Variants in ST3GAL3 observed in about 807,000 individuals in gnomAD.
ST3GAL3 encodes the protein ST3 beta-galactoside alpha-2,3-sialyltransferase 3.
A neutral mutation model predicts 50.1 loss-of-function variants in ST3GAL3; 21 were observed. The ratio of observed to expected loss-of-function variants is 0.42; its 90% CI spans 0.30 to 0.60. The LOEUF (loss-of-function observed/expected upper bound fraction) is 0.60, where lower values mean the gene tolerates loss of function less well. ST3GAL3 is among the 20% of genes least tolerant of loss of function. ST3GAL3 has a pLI of 0.19. For synonymous variants in ST3GAL3, 183 were observed against 190.0 expected, an observed-to-expected ratio of 0.96 and a Z score of 0.30; for missense variants, 353 against 489.4, an observed-to-expected ratio of 0.72 and a Z score of 2.63.
intron 4 of ST3GAL3, among the ~76,000 whole-genome samples, chr1:43,821,098 G>T (rs185621920): frequency 1.4e-3 from 210 of 152,202 alleles, no homozygotes; most frequent in Non-Finnish European, 2.6e-3. Flanking sequence ...GGAATAAACG[G>T]AAAATTCTAA....
intron 3 of ST3GAL3, among the ~76,000 whole-genome samples, chr1:43,809,543 A>T (rs190455519): frequency 2.6e-5 from 4 of 152,136 alleles, no homozygotes; most frequent in African/African-American, 4.8e-5. Context: ...CAAAAAGTTT[A>T]AAAATTAGCT....
At chr1:43,847,695 GCT>G (rs1341253536) in intron 5 of ST3GAL3, among the ~76,000 whole-genome samples, 1 of 152,198 alleles carries the variant, frequency 6.6e-6, no homozygotes, top group Non-Finnish European at 1.5e-5. Context: ...ATGAAAAACA[GCT>G]CTGGATATTG....
intron 2 of ST3GAL3, among the ~76,000 whole-genome samples, chr1:43,756,440 G>A (rs1688140614): frequency 6.6e-6 from 1 of 152,024 alleles, no homozygotes; most frequent in Non-Finnish European, 1.5e-5. Context: ...ACTTTAAATT[G>A]ATGCAGTTTA....
At chr1:43,752,855 C>G (rs1192146623) in intron 2 of ST3GAL3, among the ~76,000 whole-genome samples, 1 of 152,200 alleles carries the variant, frequency 6.6e-6, no homozygotes, top group Non-Finnish European at 1.5e-5. Context: ...TCTAATTTCA[C>G]TTTTCAGTAG....
At chr1:43,749,488 G>A (rs1685167213) in intron 2 of ST3GAL3, among the ~76,000 whole-genome samples, 1 of 152,154 alleles carries the variant, frequency 6.6e-6, no homozygotes, top group Non-Finnish European at 1.5e-5. Context: ...AGTTGACAGA[G>A]TACTTTTGGG....
rs543148858 is a variant in ST3GAL3, at chr1:43,895,486, A to G, written c.397+1009A>G. Among the ~76,000 whole-genome samples, 488 of 152,288 alleles carry G rather than the reference A, an allele frequency of 3.2e-3. 4 individuals carry two copies. The highest frequency in any genetic ancestry group is 8.2e-3 in the Admixed American group (126 of 15,298). ...CCATACTGCCTCTTTACTAGCTGTG[A>G]CCCTGGACAAGTTGCCTGTCTGTCC... On this transcript the variant is annotated intron_variant, in intron 6 of 11. Transcript: ENST00000347631.
chr1:43,757,785 T>C (rs11210914), intron 2 of ST3GAL3, among the ~76,000 whole-genome samples: 53,000 of 152,060 alleles, frequency 0.35, 10,023 homozygotes, highest in African/African-American at 0.5. Context: ...CATTGAACTT[T>C]ATCAAAAGTA....
intron 5 of ST3GAL3, among the ~76,000 whole-genome samples, chr1:43,852,946 T>G (rs1163027705): frequency 6.6e-6 from 1 of 152,222 alleles, no homozygotes; most frequent in Non-Finnish European, 1.5e-5. Context: ...TTAGATAAGT[T>G]TTTTTCAGGA....
rs77075204 is a variant in ST3GAL3 at position 43,821,694 on chromosome 1, G to A, written c.209+6761G>A. Reference sequence around the variant, plus strand: ...GAGAATTGACCCCGTCTTCCCCAGGGGTTGGGCACTCAGGCTGCTACGTGC... The same window carrying A: ...GAGAATTGACCCCGTCTTCCCCAGGAGTTGGGCACTCAGGCTGCTACGTGC... On this transcript the variant is annotated intron_variant, in intron 4 of 11. Transcript: ENST00000347631. Among the ~76,000 whole-genome samples the A allele has an allele frequency of 5.9e-3, 900 of 152,204 alleles. 6 individuals are homozygous for A. Among genetic ancestry groups the A allele is most frequent in the African/African-American group, 0.021 (873 of 41,518 alleles).
At chr1:43,749,343 T>C (rs1685119329) in intron 2 of ST3GAL3, among the ~76,000 whole-genome samples, 1 of 152,202 alleles carries the variant, frequency 6.6e-6, no homozygotes, top group African/African-American at 2.4e-5. Flanking sequence ...CTCTTCAAAT[T>C]GTTCCATCAA....
chr1:43,736,105 C>G, intron 1 of ST3GAL3, 128 bp from the exon 2 acceptor site: 1 of 865,032 alleles, frequency 1.2e-6, no homozygotes, highest in Non-Finnish European at 1.8e-6. Flanking sequence ...TTAGAAGATG[C>G]CATGATATGA....
chr1:43,910,073 G>A (rs2080528368), intron 9 of ST3GAL3, among the ~76,000 whole-genome samples: 1 of 152,184 alleles, frequency 6.6e-6, no homozygotes, highest in Non-Finnish European at 1.5e-5. Flanking sequence ...ATGGAACTTG[G>A]TACCGAGAGC....
In ST3GAL3 at chr1:43,899,410, A is replaced by C; in HGVS notation, c.558-131A>C. The C allele has an allele frequency of 1.3e-6, 2 of 1,576,658 alleles. No homozygotes were observed. On this transcript the variant is annotated intron_variant, in intron 8 of 11. Transcript: ENST00000347631. This position sits in a 1 kb window ranked among gnomAD's most constrained non-coding sequence, Gnocchi z 5.4. ...GGGTTGGAGGGCTTTGGAACAGACA[A>C]CTAGCGGGGGCACCTGGGGAGAATA...
chr1:43,886,839 C>T (rs531500165), intron 5 of ST3GAL3, among the ~76,000 whole-genome samples: 122 of 152,098 alleles, frequency 8.0e-4, no homozygotes, highest in African/African-American at 2.6e-3. Flanking sequence ...GACGCTTTGT[C>T]GAATTTGTTT....
Position 43,930,882 on chromosome 1 carries a change from C to G in ST3GAL3, c.*661C>G, listed in dbSNP as rs1399969348. 1 of 163,252 alleles carries G rather than the reference C, an allele frequency of 6.1e-6. No individual in the cohort carries two copies. Among genetic ancestry groups the G allele is most frequent in the Non-Finnish European group, 1.4e-5 (1 of 74,028 alleles). 10.1% of individuals were successfully genotyped at this position (163,252 alleles called of 1,614,324 possible). A position where few individuals can be genotyped will look rare whatever the true frequency, so the allele number is the denominator to read the frequency against. On this transcript the variant is annotated 3_prime_UTR_variant, in exon 12 of 12. Transcript: ENST00000347631. ...TCCCTTCGGAGCCAACAAGACCGCC[C>G]CAGGGCTATAGCAGAAAGAACTTTA...
intron 1 of ST3GAL3, among the ~76,000 whole-genome samples, chr1:43,723,442 C>G (rs920818006): frequency 6.6e-6 from 1 of 151,986 alleles, no homozygotes. Flanking sequence ...TATCTGCTCC[C>G]TTTCCGCTTC....
At chr1:43,926,921 C>T (rs2084073738) in intron 11 of ST3GAL3, among the ~76,000 whole-genome samples, 1 of 152,172 alleles carries the variant, frequency 6.6e-6, no homozygotes, top group Admixed American at 6.5e-5. Context: ...TTCCTGCCCC[C>T]CACCTTCCAC....
chr1:43,744,654 A>AT (rs746012027), intron 2 of ST3GAL3, among the ~76,000 whole-genome samples: 31,976 of 141,948 alleles, frequency 0.23, 4,336 homozygotes, highest in Non-Finnish European at 0.29. Context: ...CTCCCTCTCA[A>AT]AAAATAAATA....
chr1:43,864,455 A>G (rs1391310256), intron 5 of ST3GAL3, among the ~76,000 whole-genome samples: 1 of 152,208 alleles, frequency 6.6e-6, no homozygotes, highest in Non-Finnish European at 1.5e-5. Context: ...GAAACTGGCC[A>G]GGTAGAGAAT....
Sources: gnomAD v4.1 joint callset for allele counts (sites outside exome capture counted in the v4.1 genomes callset) on GRCh38, gnomAD v4.1.1 for gene constraint, Gnocchi (gnomAD v3.1) non-coding constraint, MANE v1.5 for transcripts, NCBI Gene and HGNC (gene_info 2026-07-23, HGNC 2026-07-21) for gene names.